RBFOX1: variants seen among roughly 807,000 people sequenced by gnomAD.
RBFOX1 encodes the protein RNA binding fox-1 homolog 1, also known as RNA binding protein fox-1 homolog 1.
In RBFOX1, 8 loss-of-function variants were observed where a neutral mutation model predicts 57.7. The ratio of observed to expected loss-of-function variants is 0.14; its 90% CI spans 0.08 to 0.25. RBFOX1 has a LOEUF of 0.25. RBFOX1 is among the 10% of genes least tolerant of loss of function. RBFOX1 has a pLI of 1.00. For missense variants in RBFOX1, 611 were observed against 548.5 expected (o/e 1.11, Z -1.14); for synonymous variants, 326 against 222.4 (o/e 1.47, Z -4.15).
chr16:6,505,500 A>T (rs2096065254), intron 2 of RBFOX1, among the ~76,000 whole-genome samples: 1 of 152,230 alleles, frequency 6.6e-6, no homozygotes, highest in African/African-American at 2.4e-5. Context: ...GGTATTCTCG[A>T]ATGCAGTTTT....
At chr16:6,401,945 G>T (rs1028829225) in intron 2 of RBFOX1, among the ~76,000 whole-genome samples, 6 of 151,840 alleles carry the variant, frequency 4.0e-5, no homozygotes, top group Non-Finnish European at 7.4e-5. Flanking sequence ...AAAATACCCA[G>T]GGAGATTAAG....
intron 1 of RBFOX1, among the ~76,000 whole-genome samples, chr16:5,331,947 A>G (rs2064768667): frequency 6.6e-6 from 1 of 152,202 alleles, no homozygotes; most frequent in African/African-American, 2.4e-5. Flanking sequence ...CTTATCCCAT[A>G]GTGTCAAGTC....
chr16:6,279,851 G>A (rs2076195323), intron 1 of RBFOX1, among the ~76,000 whole-genome samples: 2 of 152,066 alleles, frequency 1.3e-5, no homozygotes, highest in African/African-American at 4.8e-5. Flanking sequence ...GGGATCTGGG[G>A]AGAGAGGAAG....
At chr16:7,515,072 T>C (rs11642102) in intron 4 of RBFOX1, among the ~76,000 whole-genome samples, 126,267 of 152,014 alleles carry the variant, frequency 0.83, 53,377 homozygotes, top group Non-Finnish European at 0.92. Context: ...CAGAAACAGA[T>C]CTTTGAGCAG....
At chr16:5,825,493 A>G (rs1002745969) in intron 3 of RBFOX1, among the ~76,000 whole-genome samples, 2 of 152,256 alleles carry the variant, frequency 1.3e-5, no homozygotes, top group Non-Finnish European at 2.9e-5. Context: ...TGTGGATCAA[A>G]TTTAGGAGCA....
At chr16:6,028,519 A>G in intron 1 of RBFOX1, among the ~76,000 whole-genome samples, 1 of 150,544 alleles carries the variant, frequency 6.6e-6, no homozygotes, top group Non-Finnish European at 1.5e-5. Flanking sequence ...TAAAAAAAAA[A>G]AAAAAAAAAA....
chr16:5,782,735 A>T (rs1246252522), intron 3 of RBFOX1, among the ~76,000 whole-genome samples: 1 of 152,222 alleles, frequency 6.6e-6, no homozygotes, highest in Admixed American at 6.5e-5. Context: ...GAAGTCCTAC[A>T]ACCTAACCAG....
intron 1 of RBFOX1, among the ~76,000 whole-genome samples, chr16:5,243,778 G>A (rs2062228198): frequency 6.6e-6 from 1 of 152,002 alleles, no homozygotes; most frequent in African/African-American, 2.4e-5. Flanking sequence ...CTACTGCAGG[G>A]GACTCAGTTT....
chr16:6,033,950 G>C (rs2095326496), intron 1 of RBFOX1, among the ~76,000 whole-genome samples: 1 of 152,186 alleles, frequency 6.6e-6, no homozygotes, highest in African/African-American at 2.4e-5. Flanking sequence ...TGGCTACCGT[G>C]ATGACTGTCA....
At chr16:7,168,389 G>C (rs779147009) in intron 4 of RBFOX1, among the ~76,000 whole-genome samples, 1 of 152,148 alleles carries the variant, frequency 6.6e-6, no homozygotes, top group Non-Finnish European at 1.5e-5. Context: ...ATGGGAAAGA[G>C]TGTACCTCAA....
chr16:6,450,788 T>C (rs2534768), intron 2 of RBFOX1, among the ~76,000 whole-genome samples: 1,104 of 47,950 alleles, frequency 0.023, 155 homozygotes, highest in East Asian at 0.14. Context: ...TATATATATA[T>C]ACATATATAT....
At chr16:6,703,633 A>C (rs2062205281) in intron 3 of RBFOX1, among the ~76,000 whole-genome samples, 1 of 152,070 alleles carries the variant, frequency 6.6e-6, no homozygotes, top group African/African-American at 2.4e-5. Context: ...CTTGAGCCTG[A>C]GAAGTTGAGG....
At chr16:7,698,342 A>G (rs1269515002) in intron 14 of RBFOX1, among the ~76,000 whole-genome samples, 2 of 151,994 alleles carry the variant, frequency 1.3e-5, no homozygotes, top group African/African-American at 4.8e-5. Context: ...CCTGATGAGT[A>G]TGGGACACAA....
At chr16:5,356,806 G>A (rs756755795) in intron 1 of RBFOX1, among the ~76,000 whole-genome samples, 5 of 152,178 alleles carry the variant, frequency 3.3e-5, no homozygotes, top group Non-Finnish European at 7.3e-5. Context: ...ATGTCTAGTT[G>A]ACATCGTTGT....
At chr16:5,441,080 G>A (rs1315582616) in intron 1 of RBFOX1, among the ~76,000 whole-genome samples, 8 of 152,172 alleles carry the variant, frequency 5.3e-5, no homozygotes, top group South Asian at 4.2e-4. Context: ...GACTTGGGCC[G>A]TGGTTCAGAC....
chr16:7,444,918 A>G (rs949118638), intron 4 of RBFOX1, among the ~76,000 whole-genome samples: 2 of 152,204 alleles, frequency 1.3e-5, no homozygotes, highest in African/African-American at 4.8e-5. Context: ...ACAGCTTACC[A>G]TGAATTCTAA....
At chr16:5,402,160 G>C (rs1480952569) in intron 1 of RBFOX1, among the ~76,000 whole-genome samples, 1 of 152,150 alleles carries the variant, frequency 6.6e-6, no homozygotes, top group Non-Finnish European at 1.5e-5. Context: ...GCGGGAAGAG[G>C]AGGGTCATGT....
At position 7,460,178 on chromosome 16, in the gene RBFOX1, C is replaced by T. The variant is rs1383961996; in HGVS notation, c.28-57969C>T. On this transcript the variant is annotated intron_variant, in intron 4 of 15. Coordinates refer to ENST00000550418, the MANE Select transcript of RBFOX1 (RefSeq NM_018723.4). ...TGCTTATCCTCTTAGGCTGTCATTC[C>T]TCCTGTTTCTATTATAGCTGCCATT... Among the ~76,000 whole-genome samples, 3 of 151,414 alleles carry T rather than the reference C, an allele frequency of 2.0e-5. No homozygotes were observed. The East Asian group carries it at 5.8e-4, about 29-fold the overall frequency.
chr16:6,364,737 A>G (rs925861084), intron 2 of RBFOX1, among the ~76,000 whole-genome samples: 1 of 152,150 alleles, frequency 6.6e-6, no homozygotes, highest in Non-Finnish European at 1.5e-5. Flanking sequence ...ACACATTTAA[A>G]CCCCACAAAT....
Sources: allele counts gnomAD v4.1 joint callset (sites outside exome capture counted in the v4.1 genomes callset), GRCh38; gene constraint gnomAD v4.1.1; transcripts MANE v1.5; gene names NCBI Gene and HGNC (gene_info 2026-07-23, HGNC 2026-07-21).